NR2C1: variants seen among roughly 807,000 people sequenced by gnomAD.
NR2C1 encodes nuclear receptor subfamily 2 group C member 1, also known as TR2 nuclear hormone receptor.
Under a neutral mutation model 74.8 loss-of-function variants are expected in NR2C1, and 33 were observed. That is an observed-to-expected ratio of 0.44 (90% CI 0.33 to 0.59). The LOEUF (loss-of-function observed/expected upper bound fraction) is 0.59. Among genes scored for constraint, NR2C1 ranks in the 20% least tolerant of loss-of-function variants. The pLI is 0.02. For missense variants in NR2C1, 568 were observed against 715.6 expected, an observed-to-expected ratio of 0.79 and a Z score of 2.35; for synonymous variants, 225 against 240.6, an observed-to-expected ratio of 0.94 and a Z score of 0.60.
chr12:95,050,720 A>T (rs1207738034), intron 8 of NR2C1, among the ~76,000 whole-genome samples: 1 of 151,532 alleles, frequency 6.6e-6, no homozygotes, highest in Non-Finnish European at 1.5e-5. Context: ...CCTCCTATAC[A>T]CTAATGTGTT....
intron 12 of NR2C1, among the ~76,000 whole-genome samples, chr12:95,027,529 G>C (rs1048175285): frequency 4.6e-5 from 7 of 152,114 alleles, no homozygotes; most frequent in Admixed American, 3.9e-4. Flanking sequence ...CTTAGGTCAG[G>C]AGTTCAACAC....
At chr12:95,057,497 A>G in intron 7 of NR2C1, 56 bp downstream of exon 7, 1 of 1,287,778 alleles carries the variant, frequency 7.8e-7, no homozygotes, top group Non-Finnish European at 1.1e-6. Context: ...GGAAGTGATT[A>G]GAAAACATTT....
rs1280613041 is a variant in NR2C1 at position 95,022,691 on chromosome 12, A to G, written c.1638-288T>C. On this transcript the variant is annotated intron_variant, in intron 13 of 13. Transcript: ENST00000333003. ...AACTGAGTTGTTAAACCATGCATCA[A>G]GTTATACAATTTTTTTTTTTTTTTT... 3.4e-5 allele frequency among the ~76,000 whole-genome samples: 5 copies of G among 148,536 alleles called. 1 individual carries two copies. The South Asian group carries it at 1.1e-3, about 32-fold the overall frequency.
chr12:95,020,857 G>A lies in NR2C1; in HGVS notation c.*1372C>T, dbSNP rs771075940. 3 of 152,180 alleles carry A rather than the reference G, an allele frequency of 2.0e-5. No individual in the cohort carries two copies. The highest frequency in any genetic ancestry group is 2.9e-5 in the Non-Finnish European group (2 of 68,030). The allele number at this position is 152,180 out of a possible 1,614,324, so 9.4% of individuals were successfully genotyped here. On this transcript the variant is annotated 3_prime_UTR_variant, in exon 14 of 14. Transcript: ENST00000333003. ...TTGTTGTAGCAGTAACAAGGCTTCA[G>A]GCTGATTCTTATACTGTTGTTAAAG...
In NR2C1 at chr12:95,057,843, G is replaced by A. The variant is rs993711986; in HGVS notation, c.580C>T (p.Arg194Ter). 1 of 1,613,828 alleles carries A rather than the reference G, an allele frequency of 6.2e-7. No homozygotes were observed. The highest frequency in any genetic ancestry group is 8.5e-7 in the Non-Finnish European group (1 of 1,179,796). ...GCGGCACAGTTGGAAGATTTTTCTC[G>A]TGATACTTCAATGGGTTTTCTTTCA... ...QCERKPIEVS[R>*]EKSSNCAAST... is the part of the protein sequence containing the mutation. The change falls in exon 6 of 14, where the codon CGA becomes TGA. Residue 194 changes from arginine (R) to a stop codon, truncating the protein, a stop_gained. Coordinates refer to ENST00000333003, the MANE Select transcript of NR2C1 (RefSeq NM_003297.4). LOFTEE classifies it high-confidence loss of function.
chr12:95,053,537 T>C (rs1873343514), intron 7 of NR2C1, among the ~76,000 whole-genome samples: 1 of 152,046 alleles, frequency 6.6e-6, no homozygotes, highest in Non-Finnish European at 1.5e-5. Flanking sequence ...ATATATTTGA[T>C]TTAAATTTAT....
At position 95,028,523 on chromosome 12, in the gene NR2C1, A is replaced by T; in HGVS notation, c.1395T>A (p.Asp465Glu). ...ATTTTCTTCTTTCTGTTGACATTTT[A>T]TCTTTAATTAAAAATAAACAAATGC... ...VNCLHNSLQQ[D>E]KMSTERRKLL... is the part of the protein sequence containing the mutation. The change falls in exon 12 of 14, where the codon GAT becomes GAA. Residue 465 changes from aspartate to glutamate, a missense_variant and splice_region_variant. Physicochemically the swap from Asp to Glu is conservative, Grantham distance 45. Coordinates refer to ENST00000333003, the MANE Select transcript of NR2C1 (RefSeq NM_003297.4). The T allele has an allele frequency of 6.6e-7, 1 of 1,511,842 alleles. No individual in the cohort carries two copies. Among genetic ancestry groups the T allele is most frequent in the Non-Finnish European group, 9.1e-7 (1 of 1,096,190 alleles). The allele number at this position is 1,511,842 out of a possible 1,614,324, so 93.7% of individuals were successfully genotyped here.
At chr12:95,067,478 G>T in intron 1 of NR2C1, 87 bp from the exon 2 acceptor site, 1 of 1,075,874 alleles carries the variant, frequency 9.3e-7, no homozygotes, top group Non-Finnish European at 1.4e-6. Flanking sequence ...TGATATTTAA[G>T]ATTTGCTTCA....
At chr12:95,071,749 CTTTT>C (rs780957499) in intron 1 of NR2C1, among the ~76,000 whole-genome samples, 1 of 141,566 alleles carries the variant, frequency 7.1e-6, no homozygotes, top group African/African-American at 2.6e-5. Flanking sequence ...ATAAAACCCA[CTTTT>C]TTTTTTTTTT....
chr12:95,031,232 C>T lies in NR2C1; in HGVS notation c.1393+117G>A, dbSNP rs1021372909. 42 of 800,630 alleles carry T rather than the reference C, an allele frequency of 5.2e-5. No homozygotes were observed. In the African/African-American group the frequency reaches 7.1e-4, roughly 14 times the overall value. 49.6% of individuals were successfully genotyped at this position (800,630 alleles called of 1,614,324 possible). ...TAAAAATTATCTAAAGTAAGAAGAG[C>T]ATTGGTACCTAAAACACTAATATAA... On this transcript the variant is annotated intron_variant, in intron 11 of 13. Transcript: ENST00000333003.
At position 95,044,429 on chromosome 12, in the gene NR2C1, G is replaced by A. The variant is rs912382768; in HGVS notation, c.1132-3832C>T. Among the ~76,000 whole-genome samples the A allele has an allele frequency of 1.1e-4, 16 of 151,448 alleles. No individual in the cohort carries two copies. The South Asian group carries it at 2.7e-3, about 26-fold the overall frequency. The stretch of plus-strand genomic sequence containing the variant: ...ATTACAGGTGCCCGCCACCACACCC[G>A]GCTAATTTTTTTTTTTTTTTGTATT... On this transcript the variant is annotated intron_variant, in intron 9 of 13. Transcript: ENST00000333003.
chr12:95,040,006 ATTTTC>A (rs1247836125), intron 10 of NR2C1, among the ~76,000 whole-genome samples: 1 of 148,000 alleles, frequency 6.8e-6, no homozygotes, highest in Non-Finnish European at 1.5e-5. Flanking sequence ...GAGGTTTTAC[ATTTTC>A]TTTTTTTTTT....
intron 1 of NR2C1, chr12:95,072,560 G>C (rs914248289): frequency 3.9e-5 from 6 of 152,092 alleles, no homozygotes; most frequent in South Asian, 2.1e-4. Context: ...AATTCTAGCG[G>C]TACTAAACCC....
Position 95,073,512 on chromosome 12 carries a change from C to G in NR2C1, c.-140G>C, listed in dbSNP as rs1393378293. 1 of 152,302 alleles carries G rather than the reference C, an allele frequency of 6.6e-6. No homozygotes were observed. Among genetic ancestry groups the G allele is most frequent in the African/African-American group, 2.4e-5 (1 of 41,480 alleles). 9.4% of individuals were successfully genotyped at this position (152,302 alleles called of 1,614,324 possible). The stretch of plus-strand genomic sequence containing the variant: ...CGACGGGATGTGGGATCGAGATTCA[C>G]GGCGGAGAGAGCTTTCTGTGTTTGG... On this transcript the variant is annotated 5_prime_UTR_variant, in exon 1 of 14. Transcript: ENST00000333003.
chr12:95,040,090 C>T (rs1318129321), intron 10 of NR2C1, among the ~76,000 whole-genome samples: 1 of 151,796 alleles, frequency 6.6e-6, no homozygotes, highest in Non-Finnish European at 1.5e-5. Context: ...AAATTCAGCT[C>T]TTTAGTAACA....
chr12:95,063,312 G>A (rs1158892696), intron 2 of NR2C1, among the ~76,000 whole-genome samples: 2 of 152,298 alleles, frequency 1.3e-5, no homozygotes, highest in East Asian at 1.9e-4. Context: ...GAGCATATAA[G>A]TAGGTCCCAG....
intron 7 of NR2C1, among the ~76,000 whole-genome samples, chr12:95,052,861 A>G (rs1269742424): frequency 2.0e-5 from 3 of 152,238 alleles, no homozygotes; most frequent in Non-Finnish European, 4.4e-5. Context: ...TGTTAATTAA[A>G]TGTGTTAAAA....
intron 5 of NR2C1, 75 bp downstream of exon 5, chr12:95,058,235 T>C (rs1386719387): frequency 7.6e-7 from 1 of 1,308,124 alleles, no homozygotes; most frequent in Non-Finnish European, 1.0e-6. Context: ...ATTTGACATA[T>C]TTTGTTAATT....
chr12:95,037,450 A>G (rs1391294089), intron 10 of NR2C1, among the ~76,000 whole-genome samples: 1 of 152,258 alleles, frequency 6.6e-6, no homozygotes, highest in Non-Finnish European at 1.5e-5. Flanking sequence ...AAAGGTACTA[A>G]CCATGCACTG....
Sources: gnomAD v4.1 joint callset for allele counts (sites outside exome capture counted in the v4.1 genomes callset) on GRCh38, gnomAD v4.1.1 for gene constraint, MANE v1.5 for transcripts, NCBI Gene and HGNC (gene_info 2026-07-23, HGNC 2026-07-21) for gene names.